Variants in RAF1 observed in about 807,000 individuals in gnomAD.
RAF1 encodes RAF proto-oncogene serine/threonine-protein kinase.
A neutral mutation model predicts 81.1 loss-of-function variants in RAF1; 27 were observed. The ratio of observed to expected loss-of-function variants is 0.33; its 90% CI spans 0.25 to 0.46. The LOEUF is 0.46. Ranked by LOEUF, RAF1 falls within the 20% of genes least tolerant of loss-of-function variation. The pLI, the probability that RAF1 is intolerant of heterozygous loss-of-function variation, is 1.00. For synonymous variants in RAF1, 298 were observed against 294.0 expected, an observed-to-expected ratio of 1.01 and a Z score of -0.14; for missense variants, 598 against 826.0, an observed-to-expected ratio of 0.72 and a Z score of 3.38.
intron 1 of RAF1, among the ~76,000 whole-genome samples, chr3:12,655,862 T>C (rs1435505199): frequency 6.6e-6 from 1 of 151,968 alleles, no homozygotes; most frequent in Non-Finnish European, 1.5e-5. Context: ...ATGAGGTACC[T>C]GGAATAGGCA....
chr3:12,647,387 G>A (rs900194247), intron 1 of RAF1, among the ~76,000 whole-genome samples: 1 of 151,892 alleles, frequency 6.6e-6, no homozygotes, highest in African/African-American at 2.4e-5. Context: ...GACTGCTTGA[G>A]CCTAGAAGCT....
chr3:12,590,735 G>A, intron 13 of RAF1, 63 bp downstream of exon 12: 2 of 1,517,692 alleles, frequency 1.3e-6, no homozygotes, highest in South Asian at 1.1e-5. Context: ...TCCTGATCCT[G>A]GTTCCAATTT....
In RAF1 at chr3:12,583,630, AATAAC is replaced by A. The variant is rs1263092916; in HGVS notation, c.*879_*883del. The A allele has an allele frequency of 1.3e-5, 3 of 232,484 alleles. No individual in the cohort carries two copies. The highest frequency in any genetic ancestry group is 5.6e-5 in the Admixed American group (1 of 17,756). The allele number at this position is 232,484 out of a possible 1,614,324, so 14.4% of individuals were successfully genotyped here. On this transcript the variant is annotated 3_prime_UTR_variant, in exon 18 of 18. Coordinates refer to ENST00000442415, the MANE Select transcript of RAF1 (RefSeq NM_001354689.3). ...ACCTAAATTTAATTTATTTTATTAAAATAACATAATTGAGGGACCATCAGATAACT... is the reference window on the plus strand; with the variant it reads ...ACCTAAATTTAATTTATTTTATTAAAATAATTGAGGGACCATCAGATAACT...
chr3:12,603,699 A>C (rs1452064933), intron 7 of RAF1, among the ~76,000 whole-genome samples: 1 of 152,232 alleles, frequency 6.6e-6, no homozygotes, highest in Non-Finnish European at 1.5e-5. Flanking sequence ...AGCTTTGGGC[A>C]CTTTGACATC....
At chr3:12,626,937 T>A (rs2125482932) in intron 1 of RAF1, among the ~76,000 whole-genome samples, 1 of 148,586 alleles carries the variant, frequency 6.7e-6, no homozygotes, top group Admixed American at 6.8e-5. Flanking sequence ...GGCAGGAGAA[T>A]CGCTTGAACC....
intron 1 of RAF1, among the ~76,000 whole-genome samples, chr3:12,662,507 C>T (rs2060911709): frequency 1.3e-5 from 2 of 152,032 alleles, no homozygotes; most frequent in African/African-American, 2.4e-5. Flanking sequence ...CTCGGCAACC[C>T]ATGTACAATA....
At chr3:12,602,766 T>C (rs2058901233) in intron 8 of RAF1, among the ~76,000 whole-genome samples, 1 of 152,202 alleles carries the variant, frequency 6.6e-6, no homozygotes, top group African/African-American at 2.4e-5. Context: ...ATACATGATC[T>C]CCTCACAATA....
At chr3:12,605,250 A>ATGTGTGTGTGTG (rs139616156) in intron 6 of RAF1, among the ~76,000 whole-genome samples, 3,125 of 144,586 alleles carry the variant, frequency 0.022, 45 homozygotes, top group African/African-American at 0.037. Flanking sequence ...ATTACACATT[A>ATGTGTGTGTGTG]TGTGTGTGTG....
chr3:12,642,352 CACA>C (rs1464824499), intron 1 of RAF1, among the ~76,000 whole-genome samples: 2 of 148,388 alleles, frequency 1.3e-5, no homozygotes, highest in African/African-American at 2.5e-5. Flanking sequence ...ACCAAAAAAA[CACA>C]ACAACTAGCC....
chr3:12,642,816 G>A (rs1057149597), intron 1 of RAF1, among the ~76,000 whole-genome samples: 3 of 151,612 alleles, frequency 2.0e-5, no homozygotes, highest in South Asian at 4.2e-4. Flanking sequence ...TTAACAGGGA[G>A]GTTGAGGCTG....
intron 1 of RAF1, among the ~76,000 whole-genome samples, chr3:12,621,082 T>G (rs1479678941): frequency 3.9e-5 from 6 of 152,184 alleles, no homozygotes; most frequent in Non-Finnish European, 5.9e-5. Context: ...TTATTAACAG[T>G]AGCTACCATT....
intron 11 of RAF1, among the ~76,000 whole-genome samples, chr3:12,592,923 T>C (rs1241290720): frequency 6.6e-6 from 1 of 151,042 alleles, no homozygotes; most frequent in East Asian, 2.0e-4. Context: ...GTGTTTTTAG[T>C]AGAGACGGGG....
intron 1 of RAF1, among the ~76,000 whole-genome samples, chr3:12,656,943 A>G (rs1376298358): frequency 6.6e-6 from 1 of 151,546 alleles, no homozygotes; most frequent in African/African-American, 2.4e-5. Context: ...GTTGCAGTGA[A>G]CCAACATCAC....
In RAF1 at chr3:12,652,584, GAC is replaced by G. The variant is rs567468555; in HGVS notation, c.-27+11227_-27+11228del. On this transcript the variant is annotated intron_variant, in intron 1 of 17. Coordinates refer to ENST00000442415, the MANE Select transcript of RAF1 (RefSeq NM_001354689.3). Reference sequence around the variant, plus strand: ...GACCATACATAACACCATTTGCACAGACACACATTCACACTTGAGAGAAATGT... The same window carrying G: ...GACCATACATAACACCATTTGCACAGACACATTCACACTTGAGAGAAATGT... 4.0e-3 allele frequency among the ~76,000 whole-genome samples: 601 copies of G among 152,118 alleles called. 2 individuals carry two copies. The highest frequency in any genetic ancestry group is 6.7e-3 in the Non-Finnish European group (453 of 68,012).
At chr3:12,597,058 CCGGCTAATTTGTTGTATTTTT>C (rs2058709638) in intron 11 of RAF1, among the ~76,000 whole-genome samples, 1 of 152,084 alleles carries the variant, frequency 6.6e-6, no homozygotes, top group South Asian at 2.1e-4. Context: ...ACCCCCACGC[CCGGCTAATTTGTTGTATTTTT>C]AGTAGAGACG....
chr3:12,591,941 T>G, intron 11 of RAF1, 149 bp from the exon 11 acceptor site: 1 of 686,322 alleles, frequency 1.5e-6, no homozygotes, highest in South Asian at 1.6e-5. Flanking sequence ...TTTTTTTTTT[T>G]GAGACAGGGT....
chr3:12,594,132 G>C (rs1403393373), intron 11 of RAF1, among the ~76,000 whole-genome samples: 1 of 152,138 alleles, frequency 6.6e-6, no homozygotes, highest in Non-Finnish European at 1.5e-5. Flanking sequence ...AGACCAGAGA[G>C]GAATCTGCTG....
At chr3:12,645,648 T>C (rs1036600842) in intron 1 of RAF1, among the ~76,000 whole-genome samples, 5 of 152,342 alleles carry the variant, frequency 3.3e-5, no homozygotes, top group South Asian at 2.1e-4. Flanking sequence ...TTTTAGGCAC[T>C]GAACTCAGAA....
chr3:12,584,430 T>C lies in RAF1; in HGVS notation c.*84A>G. 1 of 1,561,564 alleles carries C rather than the reference T, an allele frequency of 6.4e-7. No homozygotes were observed. The highest frequency in any genetic ancestry group is 8.8e-7 in the Non-Finnish European group (1 of 1,135,148). ...GCAGCTTCTCTGAAAACATGTGTTC[T>C]GCCTCTGGAGAAAGGGAGCAGAAAA... On this transcript the variant is annotated 3_prime_UTR_variant, in exon 18 of 18. Transcript: ENST00000442415.
Sources: gnomAD v4.1 joint callset for allele counts (sites outside exome capture counted in the v4.1 genomes callset) on GRCh38, gnomAD v4.1.1 for gene constraint, MANE v1.5 for transcripts, NCBI Gene and HGNC (gene_info 2026-07-23, HGNC 2026-07-21) for gene names.